The following BCAS3 variants were observed in gnomAD, a reference collection of about 807,000 sequenced individuals.
The protein encoded by BCAS3 is BCAS4/BCAS3 fusion.
In BCAS3, 53 loss-of-function variants were observed where a neutral mutation model predicts 116.1. The ratio of observed to expected loss-of-function variants is 0.46; its 90% CI spans 0.37 to 0.57. BCAS3 has a LOEUF of 0.57. BCAS3 is among the 20% of genes least tolerant of loss of function. BCAS3 has a pLI of 0.00. For synonymous variants in BCAS3, 391 were observed against 408.2 expected, an observed-to-expected ratio of 0.96 and a Z score of 0.51; for missense variants, 917 against 1,165.4, an observed-to-expected ratio of 0.79 and a Z score of 3.10.
At chr17:60,712,249 G>A (rs1220255959) in intron 5 of BCAS3, among the ~76,000 whole-genome samples, 4 of 151,782 alleles carry the variant, frequency 2.6e-5, no homozygotes, top group African/African-American at 4.8e-5. Flanking sequence ...AGTGGCATGC[G>A]CCTGTGGTTC....
intron 22 of BCAS3, among the ~76,000 whole-genome samples, chr17:61,102,224 T>G (rs1046345835): frequency 1.3e-5 from 2 of 152,166 alleles, no homozygotes; most frequent in Non-Finnish European, 2.9e-5. Flanking sequence ...GCATCTGTTT[T>G]CATGAAAGAA....
chr17:60,994,179 T>G lies in BCAS3; in HGVS notation c.1486+3944T>G, dbSNP rs1258603602. Among the ~76,000 whole-genome samples the G allele has an allele frequency of 3.9e-5, 6 of 152,136 alleles. No individual in the cohort carries two copies. The highest frequency in any genetic ancestry group is 3.9e-4 in the Admixed American group (6 of 15,278). On this transcript the variant is annotated intron_variant, in intron 15 of 23. Coordinates refer to ENST00000407086, the MANE Select transcript of BCAS3 (RefSeq NM_017679.5). This position sits in a 1 kb window ranked among gnomAD's most constrained non-coding sequence, Gnocchi z 4.4. ...CTCATATCACTTTATATATGAAATA[T>G]ATATCTTGAAGTATCTTGCATTATT...
Position 60,808,016 on chromosome 17 carries a change from G to C in BCAS3, c.416G>C (p.Cys139Ser). ...LPAPQFGAQK[C>S]DNFAEKRPLL... ...TCCTTCCTGTCAGGTGCTCAAAAAT[G>C]TGATAACTTTGCTGAAAAAAGACCC... Residue 139 changes from cysteine to serine, a missense_variant, in exon 7 of 24, where the codon TGT (cysteine) becomes TCT (serine). Cys to Ser is a moderately radical substitution (Grantham distance 112). Transcript: ENST00000407086. The C allele has an allele frequency of 5.6e-6, 9 of 1,606,880 alleles. No homozygotes were observed. Among genetic ancestry groups the C allele is most frequent in the Non-Finnish European group, 7.7e-6 (9 of 1,175,046 alleles).
At position 61,339,981 on chromosome 17, in the gene BCAS3, C is replaced by CT. The variant is rs2057022449; in HGVS notation, c.2426-28345dup. On this transcript the variant is annotated intron_variant, in intron 22 of 23. Coordinates refer to ENST00000407086, the MANE Select transcript of BCAS3 (RefSeq NM_017679.5). This position sits in a 1 kb window ranked among gnomAD's most constrained non-coding sequence, Gnocchi z 4.4. ...CTGTGGGATTCAATAATGTGGAAGT[C>CT]TCTGCATTAATTGATTTGTTGAAAA... 6.6e-6 allele frequency among the ~76,000 whole-genome samples: 1 copy of CT among 152,078 alleles called. No homozygotes were observed. The highest frequency in any genetic ancestry group is 2.4e-5 in the African/African-American group (1 of 41,388).
At chr17:60,858,094 A>G (rs927071031) in intron 7 of BCAS3, among the ~76,000 whole-genome samples, 3 of 152,104 alleles carry the variant, frequency 2.0e-5, no homozygotes, top group Admixed American at 6.5e-5. Context: ...GTTAGATTTC[A>G]TTCATTATTA....
rs1169528964 is a variant in BCAS3 at position 61,286,207 on chromosome 17, C to T, written c.2426-82120C>T. Among the ~76,000 whole-genome samples the T allele has an allele frequency of 6.6e-6, 1 of 151,542 alleles. No homozygotes were observed. The highest frequency in any genetic ancestry group is 1.5e-5 in the Non-Finnish European group (1 of 67,868). ...AAAGGGTAGATCTTTGCAACCATCCCTTGGGGAGCCTGCAGGGCGGGGTGC... is the reference window on the plus strand; with the variant it reads ...AAAGGGTAGATCTTTGCAACCATCCTTTGGGGAGCCTGCAGGGCGGGGTGC... On this transcript the variant is annotated intron_variant, in intron 22 of 23. Transcript: ENST00000407086. This position sits in a 1 kb window ranked among gnomAD's most constrained non-coding sequence, Gnocchi z 4.8.
chr17:60,862,218 G>A (rs1275462338), intron 7 of BCAS3, among the ~76,000 whole-genome samples: 1 of 152,210 alleles, frequency 6.6e-6, no homozygotes, highest in Non-Finnish European at 1.5e-5. Flanking sequence ...AGGAGGTGGA[G>A]CTTGCAGTGA....
chr17:61,027,821 A>G (rs1024145718), intron 16 of BCAS3, among the ~76,000 whole-genome samples: 1 of 151,948 alleles, frequency 6.6e-6, no homozygotes, highest in Non-Finnish European at 1.5e-5. Context: ...GTGTTAGTAT[A>G]TAACAGTGCC....
intron 13 of BCAS3, among the ~76,000 whole-genome samples, chr17:60,936,544 C>T (rs1009055759): frequency 4.6e-5 from 7 of 152,196 alleles, no homozygotes; most frequent in African/African-American, 9.6e-5. Flanking sequence ...TTTTAGTGAT[C>T]GTCATTCTAA....
At chr17:60,726,299 C>T (rs1215460416) in intron 5 of BCAS3, among the ~76,000 whole-genome samples, 1 of 146,064 alleles carries the variant, frequency 6.8e-6, no homozygotes, top group African/African-American at 2.6e-5. Flanking sequence ...CTCCCGAGTT[C>T]AAGTGATTCT....
At chr17:60,887,883 T>C (rs1487687550) in intron 9 of BCAS3, among the ~76,000 whole-genome samples, 2 of 152,198 alleles carry the variant, frequency 1.3e-5, no homozygotes, top group Admixed American at 6.5e-5. Flanking sequence ...TGGACAAATA[T>C]AGTGTGCTTC....
chr17:60,805,936 C>T (rs2048236989), intron 6 of BCAS3, among the ~76,000 whole-genome samples: 2 of 148,710 alleles, frequency 1.3e-5, no homozygotes, highest in South Asian at 2.1e-4. Flanking sequence ...GATCTTGGCT[C>T]ACTGTAACCT....
intron 6 of BCAS3, among the ~76,000 whole-genome samples, chr17:60,784,507 G>C (rs992430808): frequency 6.6e-6 from 1 of 150,986 alleles, no homozygotes; most frequent in Non-Finnish European, 1.5e-5. Context: ...GTTTTACCAT[G>C]TTAGCCAGGA....
chr17:61,001,835 A>G (rs1159083676), intron 15 of BCAS3, among the ~76,000 whole-genome samples: 2 of 152,128 alleles, frequency 1.3e-5, no homozygotes, highest in Non-Finnish European at 2.9e-5. Flanking sequence ...AAATGTTGCT[A>G]TAGCACTCTG....
intron 22 of BCAS3, among the ~76,000 whole-genome samples, chr17:61,102,121 A>G (rs369819673): frequency 6.6e-6 from 1 of 152,152 alleles, no homozygotes; most frequent in Non-Finnish European, 1.5e-5. Context: ...AAATAGCTAT[A>G]TGCAAATTAG....
chr17:61,194,596 C>A (rs966316153), intron 22 of BCAS3, among the ~76,000 whole-genome samples: 2 of 151,928 alleles, frequency 1.3e-5, no homozygotes, highest in African/African-American at 4.8e-5. Flanking sequence ...ACAAATTAGT[C>A]AGGTGTGGTG....
intron 15 of BCAS3, among the ~76,000 whole-genome samples, chr17:60,998,146 A>C (rs1386507618): frequency 1.3e-5 from 2 of 152,210 alleles, no homozygotes; most frequent in Non-Finnish European, 2.9e-5. Context: ...GACCTCCAGC[A>C]GCACCTATGT....
Position 61,070,086 on chromosome 17 carries a change from C to A in BCAS3, c.2030-4834C>A, listed in dbSNP as rs557781797. On this transcript the variant is annotated intron_variant, in intron 19 of 23. Coordinates refer to ENST00000407086, the MANE Select transcript of BCAS3 (RefSeq NM_017679.5). Reference sequence around the variant, plus strand: ...GCGCTCCCAGGAGAAACAAGCTTGACCACTATGCTATCATCAAGTTTCCGC... The same window carrying A: ...GCGCTCCCAGGAGAAACAAGCTTGAACACTATGCTATCATCAAGTTTCCGC... The A allele has an allele frequency of 3.8e-6, 6 of 1,577,912 alleles. No individual in the cohort carries two copies. In the African/African-American group the frequency reaches 6.7e-5, roughly 18 times the overall value.
chr17:60,860,862 T>C (rs934641852), intron 7 of BCAS3, among the ~76,000 whole-genome samples: 42 of 152,216 alleles, frequency 2.8e-4, no homozygotes, highest in African/African-American at 9.9e-4. Context: ...TCAGTTTTTG[T>C]ATCAGTACCA....
Sources: allele counts gnomAD v4.1 joint callset (sites outside exome capture counted in the v4.1 genomes callset), GRCh38; gene constraint gnomAD v4.1.1; non-coding constraint Gnocchi (gnomAD v3.1); transcripts MANE v1.5; gene names NCBI Gene and HGNC (gene_info 2026-07-23, HGNC 2026-07-21).